Variants in HS6ST3 observed in about 807,000 individuals in gnomAD.
HS6ST3 encodes the protein heparan-sulfate 6-O-sulfotransferase 3.
In HS6ST3, 12 loss-of-function variants were observed where a neutral mutation model predicts 36.7. That is an observed-to-expected ratio of 0.33 (90% confidence interval 0.21 to 0.53). The LOEUF (loss-of-function observed/expected upper bound fraction) is 0.53. Among genes scored for constraint, HS6ST3 ranks in the 20% least tolerant of loss-of-function variants. The probability of loss-of-function intolerance (pLI) is 0.95; values close to 1 mark genes in which losing one functional copy is unlikely to be tolerated. For missense variants in HS6ST3, 584 were observed against 640.9 expected (o/e 0.91, Z 0.96); for synonymous variants, 240 against 257.5 (o/e 0.93, Z 0.65).
chr13:96,300,832 G>A (rs1207822388), intron 1 of HS6ST3, among the ~76,000 whole-genome samples: 1 of 152,106 alleles, frequency 6.6e-6, no homozygotes, highest in Non-Finnish European at 1.5e-5. Flanking sequence ...TTTAATAATA[G>A]TAACAACTTA....
intron 1 of HS6ST3, among the ~76,000 whole-genome samples, chr13:96,674,214 C>T (rs2056691510): frequency 6.6e-6 from 1 of 151,958 alleles, no homozygotes. Context: ...CCTTTCTTTC[C>T]CCTGCTCCCC....
intron 1 of HS6ST3, among the ~76,000 whole-genome samples, chr13:96,805,750 T>G (rs187410556): frequency 6.6e-6 from 1 of 152,326 alleles, no homozygotes; most frequent in Non-Finnish European, 1.5e-5. Context: ...TTGATATTTC[T>G]CCAGGAATCA....
chr13:96,506,312 TTCC>T (rs1179565044), intron 1 of HS6ST3, among the ~76,000 whole-genome samples: 2 of 152,140 alleles, frequency 1.3e-5, no homozygotes, highest in Non-Finnish European at 2.9e-5. Context: ...CAGTCTCAGG[TTCC>T]TCATTTTACA....
intron 1 of HS6ST3, among the ~76,000 whole-genome samples, chr13:96,207,763 G>A (rs1385141376): frequency 6.6e-6 from 1 of 152,090 alleles, no homozygotes; most frequent in South Asian, 2.1e-4. Context: ...CTTATAAGTG[G>A]GAGCTGAATG....
At chr13:96,508,986 C>G (rs1294127573) in intron 1 of HS6ST3, among the ~76,000 whole-genome samples, 1 of 152,078 alleles carries the variant, frequency 6.6e-6, no homozygotes, top group Non-Finnish European at 1.5e-5. Context: ...TATATGCGTT[C>G]CCTTCTCCCT....
chr13:96,443,141 C>T (rs1374458463), intron 1 of HS6ST3, among the ~76,000 whole-genome samples: 4 of 151,404 alleles, frequency 2.6e-5, no homozygotes, highest in African/African-American at 9.7e-5. Context: ...TTTTAAAAAG[C>T]AGGCTAAAAT....
intron 1 of HS6ST3, among the ~76,000 whole-genome samples, chr13:96,539,250 T>G (rs1237160076): frequency 2.0e-5 from 3 of 152,236 alleles, no homozygotes; most frequent in Non-Finnish European, 4.4e-5. Context: ...ATTGTTTCAC[T>G]AGTGTTCTCT....
At chr13:96,417,181 T>C (rs2139465683) in intron 1 of HS6ST3, among the ~76,000 whole-genome samples, 1 of 152,324 alleles carries the variant, frequency 6.6e-6, no homozygotes, top group Non-Finnish European at 1.5e-5. Context: ...TCTTTTTTTC[T>C]TGGAGGTACC....
At chr13:96,224,330 G>T (rs1034637915) in intron 1 of HS6ST3, among the ~76,000 whole-genome samples, 1 of 151,970 alleles carries the variant, frequency 6.6e-6, no homozygotes, top group African/African-American at 2.4e-5. Context: ...TGAGCTGTTT[G>T]TCACTTTTTT....
rs77639670 is a variant in HS6ST3, at chr13:96,689,322, T to A, written c.708-143168T>A. On this transcript the variant is annotated intron_variant, in intron 1 of 1. Transcript: ENST00000376705. ...GTCAGTAAAGGAACTGGAATTTAAA[T>A]CCAAAATGTTGGGGACAATAAAATC... Among the ~76,000 whole-genome samples the A allele has an allele frequency of 5.8e-3, 875 of 152,150 alleles. 6 individuals carry two copies. Among genetic ancestry groups the A allele is most frequent in the African/African-American group, 0.02 (846 of 41,528 alleles).
intron 1 of HS6ST3, among the ~76,000 whole-genome samples, chr13:96,244,991 A>G (rs2054577887): frequency 6.6e-6 from 1 of 152,230 alleles, no homozygotes; most frequent in Admixed American, 6.5e-5. Context: ...CACAGCATGT[A>G]CAAAATATTA....
chr13:96,743,093 A>T (rs551548111), intron 1 of HS6ST3, among the ~76,000 whole-genome samples: 16 of 152,194 alleles, frequency 1.1e-4, no homozygotes, highest in Admixed American at 6.6e-4. Context: ...ATGTAGCAAC[A>T]GTAAGGAATA....
In HS6ST3 at chr13:96,282,112, T is replaced by C. The variant is rs369498994; in HGVS notation, c.707+190543T>C. ...CTTTTCAAAATGCCTTCACATCTAA[T>C]GTACCTTCTTTGGTCTGCAAAATAA... On this transcript the variant is annotated intron_variant, in intron 1 of 1. Coordinates refer to ENST00000376705, the MANE Select transcript of HS6ST3 (RefSeq NM_153456.4). Among the ~76,000 whole-genome samples the C allele has an allele frequency of 2.1e-4, 32 of 152,326 alleles. 1 individual carries two copies. In the South Asian group the frequency reaches 5.6e-3, roughly 27 times the overall value.
chr13:96,647,033 CAT>C (rs2056591089), intron 1 of HS6ST3, among the ~76,000 whole-genome samples: 1 of 151,940 alleles, frequency 6.6e-6, no homozygotes, highest in African/African-American at 2.4e-5. Flanking sequence ...ACCCACTGAA[CAT>C]GTGTGTTAGA....
At chr13:96,319,000 A>C (rs1566322824) in intron 1 of HS6ST3, among the ~76,000 whole-genome samples, 1 of 152,188 alleles carries the variant, frequency 6.6e-6, no homozygotes, top group Non-Finnish European at 1.5e-5. Flanking sequence ...TAAAGTGTAC[A>C]ACTCAATGGT....
At chr13:96,667,053 C>T (rs968937530) in intron 1 of HS6ST3, among the ~76,000 whole-genome samples, 10 of 152,090 alleles carry the variant, frequency 6.6e-5, no homozygotes, top group Non-Finnish European at 1.3e-4. Flanking sequence ...CACCACACGT[C>T]CCACTTGTAT....
chr13:96,649,381 C>A (rs2056599806), intron 1 of HS6ST3, among the ~76,000 whole-genome samples: 1 of 151,934 alleles, frequency 6.6e-6, no homozygotes, highest in Non-Finnish European at 1.5e-5. Flanking sequence ...CATGAGAATA[C>A]CATGATTCAA....
intron 1 of HS6ST3, among the ~76,000 whole-genome samples, chr13:96,520,355 T>C (rs370498898): frequency 6.6e-6 from 1 of 152,256 alleles, no homozygotes; most frequent in East Asian, 1.9e-4. Flanking sequence ...TTTGGTTCCA[T>C]ATGAAGTTTA....
At chr13:96,585,373 T>C (rs2056357130) in intron 1 of HS6ST3, among the ~76,000 whole-genome samples, 1 of 152,192 alleles carries the variant, frequency 6.6e-6, no homozygotes, top group Non-Finnish European at 1.5e-5. Flanking sequence ...AAAAATTATA[T>C]GCATTTACTG....
Sources: allele counts gnomAD v4.1 joint callset (sites outside exome capture counted in the v4.1 genomes callset), GRCh38; gene constraint gnomAD v4.1.1; transcripts MANE v1.5; gene names NCBI Gene and HGNC (gene_info 2026-07-23, HGNC 2026-07-21).